Variants in RYR2 observed in about 807,000 individuals in gnomAD.
The protein encoded by RYR2 is ryanodine receptor 2.
In RYR2, 227 loss-of-function variants were observed where a neutral mutation model predicts 601.1. The observed-to-expected ratio is 0.38, with a 90% confidence interval of 0.34 to 0.42. RYR2 has a LOEUF of 0.42. Ranked by LOEUF, RYR2 falls within the 10% of genes least tolerant of loss-of-function variation. RYR2 has a pLI of 1.00. For missense variants in RYR2, 4,646 were observed against 6,156.5 expected (o/e 0.75, Z 8.21); for synonymous variants, 2,223 against 2,175.1 (o/e 1.02, Z -0.61).
chr1:237,617,397 C>T lies in RYR2; in HGVS notation c.5827C>T (p.Arg1943Ter), dbSNP rs1429505853. Residue 1943 changes from arginine to a stop codon, truncating the protein, a stop_gained, in exon 38 of 105, where the codon CGA (arginine) becomes TGA (stop). Transcript: ENST00000366574. LOFTEE classifies it high-confidence loss of function. ...VAKLQDNQRF[R>*]YNEVMQALNM... is the part of the protein sequence containing the mutation. ...TAAGCTCCAAGACAATCAACGTTTCCGATACAACGAAGTCATGCAAGCCTT... is the reference window on the plus strand; with the variant it reads ...TAAGCTCCAAGACAATCAACGTTTCTGATACAACGAAGTCATGCAAGCCTT... 1.9e-6 allele frequency: 3 copies of T among 1,613,934 alleles called. No homozygotes were observed. Among genetic ancestry groups the T allele is most frequent in the Non-Finnish European group, 2.5e-6 (3 of 1,179,870 alleles).
chr1:237,648,288 A>C (rs2148788430), intron 48 of RYR2, among the ~76,000 whole-genome samples, 156 bp from the exon 49 acceptor site: 1 of 152,356 alleles, frequency 6.6e-6, no homozygotes, highest in Middle Eastern at 3.4e-3. Flanking sequence ...TTATTTCCTC[A>C]GCAAACTCCC....
intron 19 of RYR2, among the ~76,000 whole-genome samples, chr1:237,495,703 C>T (rs1052678460): frequency 6.6e-6 from 1 of 152,150 alleles, no homozygotes; most frequent in Admixed American, 6.6e-5. Context: ...CACAGTGAGG[C>T]ATAATGAACA....
chr1:237,494,883 T>G (rs371692153), intron 19 of RYR2, among the ~76,000 whole-genome samples: 1 of 152,054 alleles, frequency 6.6e-6, no homozygotes, highest in Non-Finnish European at 1.5e-5. Context: ...CTCTGCCTCC[T>G]GGGTTCAAGC....
intron 1 of RYR2, among the ~76,000 whole-genome samples, chr1:237,094,638 G>C (rs139273597): frequency 0.01 from 1,527 of 152,170 alleles, 22 homozygotes; most frequent in African/African-American, 0.034. Flanking sequence ...ACAGTGGTGC[G>C]ATCTCGGCCC....
At chr1:237,605,388 A>T (rs1677003011) in intron 35 of RYR2, among the ~76,000 whole-genome samples, 1 of 152,074 alleles carries the variant, frequency 6.6e-6, no homozygotes, top group Admixed American at 6.6e-5. Flanking sequence ...CATGCTAAAA[A>T]CTCTCAATAA....
chr1:237,108,720 A>G (rs1040254293), intron 1 of RYR2, among the ~76,000 whole-genome samples: 1 of 152,188 alleles, frequency 6.6e-6, no homozygotes, highest in Non-Finnish European at 1.5e-5. Flanking sequence ...GGGAAAAAGC[A>G]TCTCTTTTAC....
At chr1:237,549,907 G>A (rs1000323335) in intron 26 of RYR2, among the ~76,000 whole-genome samples, 1 of 152,132 alleles carries the variant, frequency 6.6e-6, no homozygotes, top group Non-Finnish European at 1.5e-5. Context: ...TGCCAAGATA[G>A]TAAGATAGCC....
At chr1:237,197,265 A>C (rs1680675065) in intron 1 of RYR2, among the ~76,000 whole-genome samples, 1 of 152,182 alleles carries the variant, frequency 6.6e-6, no homozygotes, top group Non-Finnish European at 1.5e-5. Flanking sequence ...CACAGGGTTC[A>C]ACAGAAGTGG....
intron 100 of RYR2, among the ~76,000 whole-genome samples, chr1:237,811,028 C>T (rs1432447019): frequency 6.6e-6 from 1 of 152,034 alleles, no homozygotes. Flanking sequence ...AACTTGTTTG[C>T]TTTTCATTTT....
At position 237,068,550 on chromosome 1, in the gene RYR2, C is replaced by T. The variant is rs557989755; in HGVS notation, c.48+25981C>T. ...ACATTTTCACTGGTGGATGAATATTCTCAATTCTTAGGGGCTTTTAAAAAA... is the reference window on the plus strand; with the variant it reads ...ACATTTTCACTGGTGGATGAATATTTTCAATTCTTAGGGGCTTTTAAAAAA... On this transcript the variant is annotated intron_variant, in intron 1 of 104. Transcript: ENST00000366574. Among the ~76,000 whole-genome samples, 9 of 152,150 alleles carry T rather than the reference C, an allele frequency of 5.9e-5. No individual in the cohort carries two copies. The South Asian group carries it at 1.9e-3, about 32-fold the overall frequency.
intron 24 of RYR2, among the ~76,000 whole-genome samples, chr1:237,527,622 C>T (rs914160550): frequency 2.6e-5 from 4 of 152,140 alleles, no homozygotes; most frequent in Non-Finnish European, 5.9e-5. Flanking sequence ...ATATTTGCCT[C>T]TTCATCTCTT....
At chr1:237,503,604 A>C in intron 22 of RYR2, 99 bp downstream of exon 22, 1 of 1,115,302 alleles carries the variant, frequency 9.0e-7, no homozygotes, top group Non-Finnish European at 1.3e-6. Context: ...CGAATTTCAC[A>C]GTAATACAGT....
At position 237,388,084 on chromosome 1, in the gene RYR2, C is replaced by T. The variant is rs1414881033; in HGVS notation, c.677-3C>T. 2.0e-5 allele frequency: 33 copies of T among 1,613,048 alleles called. No homozygotes were observed. Among genetic ancestry groups the T allele is most frequent in the Non-Finnish European group, 2.8e-5 (33 of 1,179,316 alleles). The stretch of plus-strand genomic sequence containing the variant: ...AGACCTGAATGATTTTTTATCCTTA[C>T]AGGGTATCTCATTGGTGGTGATGTC... On this transcript the variant is annotated splice_region_variant and splice_polypyrimidine_tract_variant and intron_variant, in intron 9 of 104. Coordinates refer to ENST00000366574, the MANE Select transcript of RYR2 (RefSeq NM_001035.3).
Position 237,511,716 on chromosome 1 carries a change from C to T in RYR2, c.2747C>T (p.Pro916Leu), listed in dbSNP as rs758947113. 11 of 1,572,822 alleles carry T rather than the reference C, an allele frequency of 7.0e-6. No individual in the cohort carries two copies. The highest frequency in any genetic ancestry group is 9.5e-6 in the Non-Finnish European group (11 of 1,157,508). ...AGAGATGACAACAAGAGACAACACC[C>T]ATGCCTGGTGGAGTTCTCCAAGCTG... ...PVRDDNKRQHPCLVEFSKLPE... is the reference protein window; with the variant it reads ...PVRDDNKRQHLCLVEFSKLPE... The change falls in exon 24 of 105, where the codon CCA becomes CTA. Residue 916 changes from proline (P) to leucine (L), a missense_variant. Transcript: ENST00000366574.
intron 60 of RYR2, among the ~76,000 whole-genome samples, chr1:237,676,587 G>A (rs571369720): frequency 1.2e-3 from 177 of 152,256 alleles, no homozygotes; most frequent in African/African-American, 4.1e-3. Flanking sequence ...AGCAGATAGA[G>A]CTGTGATTGT....
Position 237,168,850 on chromosome 1 carries a change from A to G in RYR2, c.49-101647A>G, listed in dbSNP as rs140509611. ...TGATATTTTAGGCATTGACTTAAATATACTAGGAATATTTAAGTCTATCCG... is the reference window on the plus strand; with the variant it reads ...TGATATTTTAGGCATTGACTTAAATGTACTAGGAATATTTAAGTCTATCCG... On this transcript the variant is annotated intron_variant, in intron 1 of 104. Transcript: ENST00000366574. Among the ~76,000 whole-genome samples the G allele has an allele frequency of 2.5e-3, 380 of 152,328 alleles. 1 individual carries two copies. Among genetic ancestry groups the G allele is most frequent in the Non-Finnish European group, 3.1e-3 (213 of 68,034 alleles).
Position 237,627,871 on chromosome 1 carries a change from C to A in RYR2, c.6231C>A (p.Asp2077Glu), listed in dbSNP as rs1407541809. 1.9e-6 allele frequency: 3 copies of A among 1,613,634 alleles called. No individual in the cohort carries two copies. Among genetic ancestry groups the A allele is most frequent in the Non-Finnish European group, 1.7e-6 (2 of 1,179,744 alleles). Reference protein sequence around the residue: ...VRWAQESVIEDPELVRAMFVL... With the variant: ...VRWAQESVIEEPELVRAMFVL... ...GGGCTCAGGAGTCTGTCATTGAAGA[C>A]CCCGAGCTGGTGAGGGCCATGTTTG... The change falls in exon 41 of 105, where the codon GAC (aspartate) becomes GAA (glutamate). Residue 2077 changes from aspartate (D) to glutamate (E), a missense_variant. Asp to Glu is a conservative substitution (Grantham distance 45). Coordinates refer to ENST00000366574, the MANE Select transcript of RYR2 (RefSeq NM_001035.3).
chr1:237,761,595 G>A (rs1000657236), intron 84 of RYR2, among the ~76,000 whole-genome samples: 2 of 152,270 alleles, frequency 1.3e-5, no homozygotes, highest in Admixed American at 6.5e-5. Context: ...AGAGATACAC[G>A]TGATCTTAGA....
chr1:237,352,980 ATTTAGTAGC>A (rs2149679788), intron 3 of RYR2: 5 of 415,862 alleles, frequency 1.2e-5, no homozygotes, highest in South Asian at 6.9e-5. Flanking sequence ...TTTCTAGAAA[ATTTAGTAGC>A]TTTAGTAGCT....
Sources: allele counts gnomAD v4.1 joint callset (sites outside exome capture counted in the v4.1 genomes callset), GRCh38; gene constraint gnomAD v4.1.1; transcripts MANE v1.5; gene names NCBI Gene and HGNC (gene_info 2026-07-23, HGNC 2026-07-21).